The following GK variants were observed in gnomAD, a reference collection of about 807,000 sequenced individuals.
GK encodes glycerol kinase, also known as ATP:glycerol 3-phosphotransferase.
A neutral mutation model predicts 56.4 loss-of-function variants in GK; 9 were observed. That is an observed-to-expected ratio of 0.16 (90% CI 0.10 to 0.28). The LOEUF is 0.28. GK is among the 10% of genes least tolerant of loss of function. The pLI, the probability that GK is intolerant of heterozygous loss-of-function variation, is 1.00. For missense variants in GK, 161 were observed against 431.4 expected, an observed-to-expected ratio of 0.37 and a Z score of 5.55; for synonymous variants, 104 against 144.1, an observed-to-expected ratio of 0.72 and a Z score of 1.99.
rs113389040 is a variant in GK, at chrX:30,720,651, A to T, written c.1267A>T (p.Ile423Phe). Residue 423 changes from isoleucine to phenylalanine, a missense_variant, in exon 17 of 21, where the codon ATT becomes TTT. Physicochemically the swap from Ile to Phe is conservative, Grantham distance 21. Coordinates refer to ENST00000427190, the MANE Select transcript of GK (RefSeq NM_001205019.2). Reference sequence around the variant, plus strand: ...GGATGCCATGAATCGAGACTGTGGAATTCCACTCAGTCATTTGCAGGTAGA... The same window carrying T: ...GGATGCCATGAATCGAGACTGTGGATTTCCACTCAGTCATTTGCAGGTAGA... Reference protein sequence around the residue: ...ILDAMNRDCGIPLSHLQVDGG... With the variant: ...ILDAMNRDCGFPLSHLQVDGG... 1 of 1,202,237 alleles carries T rather than the reference A, an allele frequency of 8.3e-7. No homozygotes were observed. The highest frequency in any genetic ancestry group is 1.1e-6 in the Non-Finnish European group (1 of 887,947).
chrX:30,655,021 G>A (rs2147115813), intron 1 of GK, among the ~76,000 whole-genome samples: 1 of 111,958 alleles, frequency 8.9e-6, no homozygotes, highest in African/African-American at 3.2e-5. Context: ...ACTAAAAACT[G>A]CATTTGTGCT....
At chrX:30,694,587 C>T in intron 6 of GK, 50 bp downstream of exon 6, 2 of 1,036,331 alleles carry the variant, frequency 1.9e-6, no homozygotes, top group South Asian at 3.8e-5. Context: ...GAAATTTTTT[C>T]TAGACTGCCT....
At chrX:30,667,397 T>G (rs186647427) in intron 2 of GK, among the ~76,000 whole-genome samples, 22 of 111,306 alleles carry the variant, frequency 2.0e-4, no homozygotes, top group African/African-American at 6.8e-4. Context: ...TAGCCTTTCA[T>G]CCTTCTGAGG....
At chrX:30,663,500 T>C (rs1932850452) in intron 1 of GK, among the ~76,000 whole-genome samples, 1 of 111,434 alleles carries the variant, frequency 9.0e-6, no homozygotes, top group Non-Finnish European at 1.9e-5. Flanking sequence ...GTTGGTATCC[T>C]AGAGACATAC....
intron 4 of GK, among the ~76,000 whole-genome samples, chrX:30,680,460 A>G (rs1177792643): frequency 8.9e-6 from 1 of 112,102 alleles, no homozygotes; most frequent in Non-Finnish European, 1.9e-5. Flanking sequence ...AGGGGGCTGA[A>G]AGCCATGCAG....
rs531583792 is a variant in GK at position 30,707,565 on chromosome X, A to C, written c.861A>C (p.Thr287=). The change falls in exon 12 of 21, where the codon ACA becomes ACC. Residue 287 remains threonine (T), a synonymous_variant. Transcript: ENST00000427190. ...QIGQAKNTYG[T]GCFLLCNTGH... is the part of the protein sequence containing the mutation. ...CTCCCTTCAACCATAGGTATGGAAC[A>C]GGATGTTTCTTACTATGTAATACAG... 1.6e-5 allele frequency: 18 copies of C among 1,111,471 alleles called. No homozygotes were observed. The South Asian group carries it at 3.2e-4, about 19-fold the overall frequency. The allele number at this position is 1,111,471 out of a possible 1,213,427, so 91.6% of individuals were successfully genotyped here.
intron 10 of GK, 35 bp from the exon 11 acceptor site, chrX:30,700,803 T>C: frequency 1.1e-6 from 1 of 886,258 alleles, no homozygotes. Flanking sequence ...ACTATTGTAT[T>C]AGTCAGTGTT....
At chrX:30,714,521 T>C (rs748283274) in intron 13 of GK, among the ~76,000 whole-genome samples, 1 of 111,994 alleles carries the variant, frequency 8.9e-6, no homozygotes, top group Admixed American at 9.5e-5. Context: ...CTACCTGCAG[T>C]TCCCTGCTAT....
Position 30,730,111 on chromosome X carries a change from A to G in GK, c.*1369A>G, listed in dbSNP as rs1391172848. 8.9e-6 allele frequency: 1 copy of G among 112,486 alleles called. No individual in the cohort carries two copies. Among genetic ancestry groups the G allele is most frequent in the African/African-American group, 3.2e-5 (1 of 30,992 alleles). The allele number at this position is 112,486 out of a possible 1,213,427, so 9.3% of individuals were successfully genotyped here. Reference sequence around the variant, plus strand: ...AAAATATTTAATGTCACATATTATAAGAAGTTACCTAATCCTGCTTCTTAA... The same window carrying G: ...AAAATATTTAATGTCACATATTATAGGAAGTTACCTAATCCTGCTTCTTAA... On this transcript the variant is annotated 3_prime_UTR_variant, in exon 21 of 21. Transcript: ENST00000427190.
At chrX:30,680,602 T>A (rs1934231700) in intron 4 of GK, among the ~76,000 whole-genome samples, 1 of 111,860 alleles carries the variant, frequency 8.9e-6, no homozygotes, top group South Asian at 3.7e-4. Context: ...AAAAGCTGGA[T>A]GAAAATGAAA....
chrX:30,725,744 C>T (rs1937100170), intron 19 of GK, among the ~76,000 whole-genome samples: 1 of 110,948 alleles, frequency 9.0e-6, no homozygotes, highest in Non-Finnish European at 1.9e-5. Flanking sequence ...CTCTGCCCTC[C>T]GAGTTCAAGC....
Position 30,720,868 on chromosome X carries a change from C to G in GK, c.1374C>G (p.Pro458=), listed in dbSNP as rs1236212910. The G allele has an allele frequency of 1.7e-6, 2 of 1,210,279 alleles. No homozygotes were observed. Among genetic ancestry groups the G allele is most frequent in the African/African-American group, 1.7e-5 (1 of 57,269 alleles). ...TCTCCTCAGTGAAGCCCTCAATGCCCGAAACCACTGCACTGGGTGCGGCTA... is the reference window on the plus strand; with the variant it reads ...TCTCCTCAGTGAAGCCCTCAATGCCGGAAACCACTGCACTGGGTGCGGCTA... ...LYIPVVKPSM[P]ETTALGAAMA... is the part of the protein sequence containing the mutation. The change falls in exon 18 of 21, where the codon CCC becomes CCG. Residue 458 remains proline (P), a synonymous_variant. Coordinates refer to ENST00000427190, the MANE Select transcript of GK (RefSeq NM_001205019.2).
chrX:30,669,824 C>T (rs1328278368), intron 3 of GK, among the ~76,000 whole-genome samples: 1 of 111,520 alleles, frequency 9.0e-6, no homozygotes, highest in Non-Finnish European at 1.9e-5. Context: ...TATAGAGTGC[C>T]TACTATGTGC....
At position 30,730,941 on chromosome X, in the gene GK, A is replaced by G. The variant is rs1245361752; in HGVS notation, c.*2199A>G. ...CTATTAGAAGAAACTACACTGTCCC[A>G]TCTCAGCATTTGCAAAAAATAATGT... On this transcript the variant is annotated 3_prime_UTR_variant, in exon 21 of 21. Transcript: ENST00000427190. 1 of 112,089 alleles carries G rather than the reference A, an allele frequency of 8.9e-6. No individual in the cohort carries two copies. The highest frequency in any genetic ancestry group is 1.9e-5 in the Non-Finnish European group (1 of 53,246). The allele number at this position is 112,089 out of a possible 1,213,427, so 9.2% of individuals were successfully genotyped here.
chrX:30,717,291 C>CTT (rs375427534), intron 13 of GK, among the ~76,000 whole-genome samples: 3 of 102,421 alleles, frequency 2.9e-5, no homozygotes, highest in East Asian at 3.0e-4. Flanking sequence ...GCTGATACTT[C>CTT]TTTTTTTTTT....
chrX:30,678,630 A>G (rs1318891080), intron 4 of GK, among the ~76,000 whole-genome samples: 1 of 108,986 alleles, frequency 9.2e-6, no homozygotes, highest in Non-Finnish European at 1.9e-5. Flanking sequence ...ATTTGAAAGA[A>G]TTACAACTAA....
At chrX:30,660,705 G>A (rs1387847593) in intron 1 of GK, among the ~76,000 whole-genome samples, 1 of 110,471 alleles carries the variant, frequency 9.1e-6, no homozygotes, top group Non-Finnish European at 1.9e-5. Flanking sequence ...TGTGCTTCCG[G>A]GGTCTGTGTG....
At chrX:30,678,437 C>G (rs1934059122) in intron 4 of GK, among the ~76,000 whole-genome samples, 1 of 111,438 alleles carries the variant, frequency 9.0e-6, no homozygotes, top group African/African-American at 3.3e-5. Flanking sequence ...GAAAGCAAAG[C>G]ACAATTTTTT....
Position 30,704,417 on chromosome X carries a change from C to G in GK, c.852-3139C>G, listed in dbSNP as rs779951749. On this transcript the variant is annotated intron_variant, in intron 11 of 20. Coordinates refer to ENST00000427190, the MANE Select transcript of GK (RefSeq NM_001205019.2). ...AACTACTGGGATTATAGGCATGAGCCACTGCACCTAGCCTGAAATTATTCA... is the reference window on the plus strand; with the variant it reads ...AACTACTGGGATTATAGGCATGAGCGACTGCACCTAGCCTGAAATTATTCA... Among the ~76,000 whole-genome samples the G allele has an allele frequency of 1.3e-4, 14 of 109,306 alleles. No homozygotes were observed. In the South Asian group the frequency reaches 5.6e-3, roughly 43 times the overall value. 94.9% of individuals were successfully genotyped at this position (109,306 alleles called of 115,157 possible). A position where few individuals can be genotyped will look rare whatever the true frequency, so the allele number is the denominator to read the frequency against.
Sources: gnomAD v4.1 joint callset for allele counts (sites outside exome capture counted in the v4.1 genomes callset) on GRCh38, gnomAD v4.1.1 for gene constraint, MANE v1.5 for transcripts, NCBI Gene and HGNC (gene_info 2026-07-23, HGNC 2026-07-21) for gene names.